ZFPM2: variants seen among roughly 807,000 people sequenced by gnomAD.
ZFPM2 encodes zinc finger protein, FOG family member 2, also known as zinc finger protein ZFPM2.
In ZFPM2, 20 loss-of-function variants were observed where a neutral mutation model predicts 98.6. That is an observed-to-expected ratio of 0.20 (90% CI 0.14 to 0.29). The LOEUF is 0.29. Among genes scored for constraint, ZFPM2 ranks in the 10% least tolerant of loss-of-function variants. The pLI is 1.00. For missense variants in ZFPM2, 1,310 were observed against 1,388.6 expected, an observed-to-expected ratio of 0.94 and a Z score of 0.90; for synonymous variants, 518 against 502.7, an observed-to-expected ratio of 1.03 and a Z score of -0.41.
intron 5 of ZFPM2, among the ~76,000 whole-genome samples, chr8:105,724,493 A>G (rs1488832450): frequency 6.6e-6 from 1 of 151,830 alleles, no homozygotes; most frequent in African/African-American, 2.4e-5. Flanking sequence ...ATGGGCAAGA[A>G]CCACCATCAC....
At chr8:105,433,798 A>G (rs1812067003) in intron 2 of ZFPM2, among the ~76,000 whole-genome samples, 1 of 152,188 alleles carries the variant, frequency 6.6e-6, no homozygotes, top group Admixed American at 6.5e-5. Flanking sequence ...AAAAGAAAAA[A>G]GAAATTGAGT....
rs1253850243 is a variant in ZFPM2 at position 105,419,226 on chromosome 8, A to G, written c.123A>G (p.Pro41=). The change falls in exon 2 of 8, where the codon CCA becomes CCG. Residue 41 remains proline (P), a synonymous_variant. Transcript: ENST00000407775. ...ACATCATCTCCAAAGGAGACTTTCC[A>G]TTGGAGGAAAGCTTTTCCACAGAAT... ...ETDIISKGDF[P]LEESFSTEFG... The G allele has an allele frequency of 1.2e-6, 2 of 1,613,312 alleles. No homozygotes were observed. Among genetic ancestry groups the G allele is most frequent in the Non-Finnish European group, 1.7e-6 (2 of 1,179,472 alleles).
At chr8:105,455,474 G>T (rs1368340411) in intron 3 of ZFPM2, among the ~76,000 whole-genome samples, 3 of 152,140 alleles carry the variant, frequency 2.0e-5, no homozygotes, top group African/African-American at 7.2e-5. Context: ...GGTATAAGAT[G>T]AAGCAGGGTT....
At chr8:105,712,220 A>AGAG (rs1276803950) in intron 5 of ZFPM2, among the ~76,000 whole-genome samples, 1 of 152,068 alleles carries the variant, frequency 6.6e-6, no homozygotes, top group African/African-American at 2.4e-5. Flanking sequence ...TTATGCTACT[A>AGAG]GAGGAATGTA....
chr8:105,350,816 A>G (rs1812626315), intron 1 of ZFPM2, among the ~76,000 whole-genome samples: 2 of 152,128 alleles, frequency 1.3e-5, no homozygotes, highest in Admixed American at 6.5e-5. Context: ...GTTGAACTAT[A>G]TAGTCCTCCT....
At chr8:105,401,940 CATGGTAACATGTAATTTTGTGGCGTAGGT>C (rs1811348910) in intron 1 of ZFPM2, among the ~76,000 whole-genome samples, 1 of 152,020 alleles carries the variant, frequency 6.6e-6, no homozygotes, top group African/African-American at 2.4e-5. Flanking sequence ...TAGGGAACAG[CATGGTAACATGTAATTTTGTGGCGTAGGT>C]ATTAATCATG....
chr8:105,617,019 C>CAAAAAAAAA (rs1816430482), intron 4 of ZFPM2, among the ~76,000 whole-genome samples: 1 of 15,774 alleles, frequency 6.3e-5, no homozygotes, highest in African/African-American at 2.7e-4. Flanking sequence ...GACTCTGTCT[C>CAAAAAAAAA]GAAAAAAAAA....
chr8:105,351,354 CGTGTGT>C (rs139105567), intron 1 of ZFPM2, among the ~76,000 whole-genome samples: 17 of 144,842 alleles, frequency 1.2e-4, no homozygotes, highest in African/African-American at 2.9e-4. Flanking sequence ...TGCATTATTT[CGTGTGT>C]GTGTGTGTGT....
chr8:105,403,814 G>A (rs1424015371), intron 1 of ZFPM2, among the ~76,000 whole-genome samples: 1 of 151,942 alleles, frequency 6.6e-6, no homozygotes, highest in Admixed American at 6.6e-5. Context: ...ATGACTCAGC[G>A]TGCAGCGTCT....
intron 4 of ZFPM2, among the ~76,000 whole-genome samples, chr8:105,616,011 T>G (rs1816407065): frequency 6.6e-6 from 1 of 152,150 alleles, no homozygotes; most frequent in African/African-American, 2.4e-5. Flanking sequence ...AAATAAGTAC[T>G]TAAGATTATG....
At chr8:105,612,937 A>G (rs1213201674) in intron 4 of ZFPM2, among the ~76,000 whole-genome samples, 3 of 152,208 alleles carry the variant, frequency 2.0e-5, no homozygotes, top group Admixed American at 1.3e-4. Context: ...GGAAACTTGG[A>G]TTATCATTTA....
intron 5 of ZFPM2, among the ~76,000 whole-genome samples, chr8:105,700,777 C>T: frequency 6.6e-6 from 1 of 151,788 alleles, no homozygotes; most frequent in East Asian, 1.9e-4. Context: ...TGTATTTTTA[C>T]TAGAGACTGG....
chr8:105,468,285 C>T (rs1405944016), intron 3 of ZFPM2, among the ~76,000 whole-genome samples: 1 of 152,074 alleles, frequency 6.6e-6, no homozygotes, highest in Non-Finnish European at 1.5e-5. Context: ...GTTCCTCCTT[C>T]TCTGCTCCCA....
intron 1 of ZFPM2, among the ~76,000 whole-genome samples, chr8:105,370,804 A>C (rs1309135506): frequency 6.6e-6 from 1 of 152,218 alleles, no homozygotes. Context: ...GAGAAAGGTG[A>C]AGTAATTTGC....
chr8:105,500,031 T>C (rs953749105), intron 3 of ZFPM2, among the ~76,000 whole-genome samples: 1 of 152,224 alleles, frequency 6.6e-6, no homozygotes, highest in African/African-American at 2.4e-5. Flanking sequence ...GTTACTTGTC[T>C]CCGTTATTGC....
intron 5 of ZFPM2, among the ~76,000 whole-genome samples, chr8:105,668,030 C>T (rs1169605149): frequency 6.6e-6 from 1 of 152,016 alleles, no homozygotes; most frequent in Admixed American, 6.6e-5. Context: ...GGCCCCGGGA[C>T]CAAAAAGTCT....
chr8:105,772,932 G>T (rs984795965), intron 5 of ZFPM2, among the ~76,000 whole-genome samples: 1 of 152,162 alleles, frequency 6.6e-6, no homozygotes, highest in Admixed American at 6.6e-5. Context: ...ACATGGGCAC[G>T]TGAGTTGAAT....
intron 3 of ZFPM2, among the ~76,000 whole-genome samples, chr8:105,507,644 G>A (rs558729660): frequency 6.6e-6 from 1 of 152,368 alleles, no homozygotes; most frequent in East Asian, 1.9e-4. Context: ...TATTGGAATA[G>A]AGTGTAATGC....
chr8:105,659,597 T>C (rs561106483), intron 5 of ZFPM2, among the ~76,000 whole-genome samples: 69 of 152,360 alleles, frequency 4.5e-4, no homozygotes, highest in African/African-American at 1.4e-3. Context: ...GGTTTCTTTT[T>C]TTCTTGGAAA....
Sources: allele counts gnomAD v4.1 joint callset (sites outside exome capture counted in the v4.1 genomes callset), GRCh38; gene constraint gnomAD v4.1.1; transcripts MANE v1.5; gene names NCBI Gene and HGNC (gene_info 2026-07-23, HGNC 2026-07-21).